CUBN: variants seen among roughly 807,000 people sequenced by gnomAD.
CUBN encodes the protein cubilin.
Under a neutral mutation model 405.3 loss-of-function variants are expected in CUBN, and 282 were observed. The ratio of observed to expected loss-of-function variants is 0.70; its 90% CI spans 0.63 to 0.77. The LOEUF is 0.77. CUBN is among the 30% of genes least tolerant of loss of function. The pLI is 0.00. For missense variants in CUBN, 4,514 were observed against 4,475.2 expected (o/e 1.01, Z -0.25); for synonymous variants, 1,684 against 1,617.0 (o/e 1.04, Z -0.99).
intron 31 of CUBN, among the ~76,000 whole-genome samples, chr10:16,970,731 G>A (rs544646835): frequency 9.9e-5 from 15 of 152,194 alleles, no homozygotes; most frequent in South Asian, 4.1e-4. Flanking sequence ...TAAGGCTTTC[G>A]TTTTAGTGCT....
chr10:17,120,956 C>A, intron 6 of CUBN, among the ~76,000 whole-genome samples: 1 of 152,138 alleles, frequency 6.6e-6, no homozygotes, highest in South Asian at 2.1e-4. Flanking sequence ...CCACCAATGC[C>A]TCTATGTAGC....
intron 36 of CUBN, among the ~76,000 whole-genome samples, chr10:16,946,120 A>G (rs966297694): frequency 6.6e-6 from 1 of 152,208 alleles, no homozygotes; most frequent in Admixed American, 6.5e-5. Context: ...AGCAATCCCA[A>G]CCACAGCCTA....
intron 4 of CUBN, among the ~76,000 whole-genome samples, chr10:17,126,349 C>A (rs1172133328): frequency 2.0e-5 from 3 of 152,164 alleles, no homozygotes; most frequent in Admixed American, 2.0e-4. Context: ...TAAGAAAATT[C>A]GGACTATTTT....
intron 22 of CUBN, among the ~76,000 whole-genome samples, chr10:17,057,843 C>A (rs1380674422): frequency 6.6e-6 from 1 of 152,078 alleles, no homozygotes; most frequent in Non-Finnish European, 1.5e-5. Context: ...AGAAGCCAAG[C>A]CGGGTGCGGT....
At chr10:17,123,439 G>A (rs1441306877) in intron 5 of CUBN, 149 bp downstream of exon 5, 2 of 721,512 alleles carry the variant, frequency 2.8e-6, no homozygotes, top group Non-Finnish European at 5.0e-6. Flanking sequence ...CACTGTTTGG[G>A]TTTTAGCATA....
In CUBN at chr10:17,100,202, G is replaced by T; in HGVS notation, c.1568C>A (p.Ser523Tyr). 1 of 1,613,698 alleles carries T rather than the reference G, an allele frequency of 6.2e-7. No homozygotes were observed. Among genetic ancestry groups the T allele is most frequent in the South Asian group, 1.1e-5 (1 of 91,062 alleles). ...RITFTFFRLE[S>Y]MDNCPHEFLQ... ...AAACTCGTGTGGACAGTTGTCCATG[G>T]ATTCTAACCGGAAAAAAGTGAAAGT... The change falls in exon 14 of 67, where the codon TCC becomes TAC. Residue 523 changes from serine (S) to tyrosine (Y), a missense_variant. Around this residue, in one of 5 missense-constraint regions of CUBN, gnomAD observed 1,448 missense variants for 1,388.0 expected, o/e 1.04. Coordinates refer to ENST00000377833, the MANE Select transcript of CUBN (RefSeq NM_001081.4).
intron 57 of CUBN, among the ~76,000 whole-genome samples, chr10:16,875,853 C>T (rs1050330659): frequency 6.6e-6 from 1 of 152,300 alleles, no homozygotes; most frequent in South Asian, 2.1e-4. Flanking sequence ...GTTTACCTCT[C>T]CAAAGCAGCA....
intron 60 of CUBN, among the ~76,000 whole-genome samples, chr10:16,842,513 T>TCC (rs1329966231): frequency 6.6e-6 from 1 of 150,664 alleles, no homozygotes; most frequent in Non-Finnish European, 1.5e-5. Context: ...CTCTGATTCC[T>TCC]CTCTCTCTCT....
chr10:17,023,663 T>A (rs1422840243), intron 27 of CUBN: 1 of 455,784 alleles, frequency 2.2e-6, no homozygotes. Flanking sequence ...CAAGCTGGAG[T>A]GGCCCTGCTT....
intron 27 of CUBN, among the ~76,000 whole-genome samples, chr10:17,028,728 A>AAAAG (rs202001640): frequency 2.0e-5 from 3 of 151,714 alleles, no homozygotes; most frequent in South Asian, 2.1e-4. Flanking sequence ...CTCAAAAAAA[A>AAAAG]AAAGAAAGAA....
intron 62 of CUBN, among the ~76,000 whole-genome samples, chr10:16,839,492 A>G (rs1214688425): frequency 6.7e-6 from 1 of 149,400 alleles, no homozygotes; most frequent in Non-Finnish European, 1.5e-5. Context: ...CCATCAGAGA[A>G]ATGCAAATCA....
intron 34 of CUBN, 125 bp from the exon 35 acceptor site, chr10:16,948,731 G>T (rs1295953309): frequency 1.7e-6 from 2 of 1,169,264 alleles, no homozygotes; most frequent in South Asian, 2.6e-5. Context: ...GCCACTAGGA[G>T]AACCACTTCA....
rs1475245926 is a variant in CUBN, at chr10:16,877,034, A to T, written c.8969T>A (p.Val2990Asp). 6.2e-7 allele frequency: 1 copy of T among 1,614,138 alleles called. No individual in the cohort carries two copies. The highest frequency in any genetic ancestry group is 2.2e-5 in the East Asian group (1 of 44,886). Residue 2990 changes from valine (V) to aspartate (D), a missense_variant, in exon 57 of 67, where the codon GTC becomes GAC. Physicochemically the swap from Val to Asp is radical, Grantham distance 152. Transcript: ENST00000377833. ...DGVHIIRGYS[V>D]MSTPFATVCG... ...CACAGTAGCAAATGGGGTGGACATG[A>T]CGCTGTAACCTCTGATAATGTGCAC...
intron 28 of CUBN, among the ~76,000 whole-genome samples, chr10:17,016,450 C>T (rs536475730): frequency 1.3e-5 from 2 of 152,304 alleles, no homozygotes; most frequent in South Asian, 2.1e-4. Flanking sequence ...CAGCTAAAGC[C>T]ACATTCTTTT....
In CUBN at chr10:17,126,742, G is replaced by A; in HGVS notation, c.387+19C>T. The A allele has an allele frequency of 6.2e-7, 1 of 1,612,916 alleles. No homozygotes were observed. The highest frequency in any genetic ancestry group is 8.5e-7 in the Non-Finnish European group (1 of 1,178,876). On this transcript the variant is annotated intron_variant, in intron 4 of 66. Coordinates refer to ENST00000377833, the MANE Select transcript of CUBN (RefSeq NM_001081.4). ...TGTTTTCTGTGAAAGATTTGGGTAT[G>A]TAGTAGCATGAGACCTACCTGCTGC...
chr10:16,824,717 A>C lies in CUBN; in HGVS notation c.*258T>G, dbSNP rs1838722444. ...TATATTGTTAGAGAGATGAGGTTTCACCATGCTGGCCAGGCTAGTCTCAAA... is the reference window on the plus strand; with the variant it reads ...TATATTGTTAGAGAGATGAGGTTTCCCCATGCTGGCCAGGCTAGTCTCAAA... On this transcript the variant is annotated 3_prime_UTR_variant, in exon 67 of 67. Coordinates refer to ENST00000377833, the MANE Select transcript of CUBN (RefSeq NM_001081.4). The C allele has an allele frequency of 2.5e-6, 1 of 403,016 alleles. No homozygotes were observed. The highest frequency in any genetic ancestry group is 4.8e-6 in the Non-Finnish European group (1 of 210,316). The allele number at this position is 403,016 out of a possible 1,614,324, so 25.0% of individuals were successfully genotyped here.
chr10:17,117,330 A>G (rs1387145556), intron 6 of CUBN, among the ~76,000 whole-genome samples: 1 of 152,038 alleles, frequency 6.6e-6, no homozygotes, highest in Non-Finnish European at 1.5e-5. Context: ...TTACTTTGCC[A>G]CCTGTCCCAA....
Position 16,825,883 on chromosome 10 carries a change from A to G in CUBN, c.10765-801T>C, listed in dbSNP as rs971092979. On this transcript the variant is annotated intron_variant, in intron 66 of 66. Transcript: ENST00000377833. ...CAAAACACAGGCTTATTTCCAAGAT[A>G]CTCACTTACTCAAGTGAGTGTAGAT... Among the ~76,000 whole-genome samples the G allele has an allele frequency of 2.0e-5, 3 of 150,598 alleles. No individual in the cohort carries two copies. The East Asian group carries it at 6.1e-4, about 31-fold the overall frequency.
At chr10:16,874,282 T>C in intron 58 of CUBN, 92 bp downstream of exon 58, 1 of 1,317,922 alleles carries the variant, frequency 7.6e-7, no homozygotes, top group South Asian at 1.2e-5. Flanking sequence ...AGACTGCCGA[T>C]GAGAATCAGT....
Sources: gnomAD v4.1 joint callset for allele counts (sites outside exome capture counted in the v4.1 genomes callset) on GRCh38, gnomAD v4.1.1 for gene constraint, gnomAD v4.1.1 regional missense constraint, MANE v1.5 for transcripts, NCBI Gene and HGNC (gene_info 2026-07-23, HGNC 2026-07-21) for gene names.